GLYATL2: variants seen among roughly 807,000 people sequenced by gnomAD.
GLYATL2 encodes the protein glycine N-acyltransferase-like protein 2.
A neutral mutation model predicts 21.4 loss-of-function variants in GLYATL2; 25 were observed. The observed-to-expected ratio is 1.17, with a 90% CI of 0.85 to 1.63. GLYATL2 has a LOEUF of 1.63. GLYATL2 is among the 40% of genes most tolerant of loss of function. The probability of loss-of-function intolerance (pLI) is 0.00; values close to 1 mark genes in which losing one functional copy is unlikely to be tolerated. For synonymous variants in GLYATL2, 114 were observed against 118.2 expected (o/e 0.96, Z 0.23); for missense variants, 361 against 343.3 (o/e 1.05, Z -0.41).
chr11:58,861,363 G>A (rs1459501012), intron 1 of GLYATL2, among the ~76,000 whole-genome samples: 7 of 151,896 alleles, frequency 4.6e-5, no homozygotes, highest in Admixed American at 4.6e-4. Flanking sequence ...ATTCCAATTT[G>A]TTGGCATATA....
chr11:58,908,767 G>A (rs1332373648), upstream of GLYATL2, among the ~76,000 whole-genome samples: 8 of 152,182 alleles, frequency 5.3e-5, no homozygotes, highest in East Asian at 5.8e-4. Flanking sequence ...AACAAGATGA[G>A]TAACAAACAA....
chr11:58,859,799 G>T (rs562443), intron 1 of GLYATL2, among the ~76,000 whole-genome samples: 135,017 of 152,154 alleles, frequency 0.89, 61,061 homozygotes, highest in Non-Finnish European at 0.98. Context: ...TTTATACATG[G>T]TGTGAGATAA....
At chr11:58,840,945 T>C (rs1853539574) in intron 1 of GLYATL2, 2 of 151,664 alleles carry the variant, frequency 1.3e-5, no homozygotes. Flanking sequence ...TATGTACATT[T>C]GCATATACCC....
At chr11:58,842,515 TGTGTGC>T (rs779101490) in intron 1 of GLYATL2, among the ~76,000 whole-genome samples, 4 of 143,692 alleles carry the variant, frequency 2.8e-5, no homozygotes, top group African/African-American at 5.3e-5. Flanking sequence ...TGTGTGTGTG[TGTGTGC>T]GCCCTGTGAT....
chr11:58,894,477 A>C (rs74237933), intron 1 of GLYATL2, among the ~76,000 whole-genome samples: 432 of 3,516 alleles, frequency 0.12, 12 homozygotes, highest in Non-Finnish European at 0.2. Context: ...CAGCTATAGC[A>C]AAAAAAAAAA....
chr11:58,845,150 G>A (rs1372099157), upstream of GLYATL2, among the ~76,000 whole-genome samples: 1 of 152,118 alleles, frequency 6.6e-6, no homozygotes, highest in Non-Finnish European at 1.5e-5. Context: ...GATCAATTAG[G>A]CTTGTTTGTT....
chr11:58,886,719 T>C (rs56188028), intron 1 of GLYATL2, among the ~76,000 whole-genome samples: 17,586 of 152,162 alleles, frequency 0.12, 1,109 homozygotes, highest in South Asian at 0.16. Flanking sequence ...TCCTAAAGAC[T>C]CCCCCTTTTT....
At chr11:58,879,073 G>T (rs1854287681) in intron 1 of GLYATL2, among the ~76,000 whole-genome samples, 1 of 151,972 alleles carries the variant, frequency 6.6e-6, no homozygotes, top group Non-Finnish European at 1.5e-5. Context: ...TTATAAAAGG[G>T]GAAACTTGAT....
chr11:58,901,297 T>C (rs1442214080), intron 1 of GLYATL2, among the ~76,000 whole-genome samples: 1 of 152,202 alleles, frequency 6.6e-6, no homozygotes, highest in Non-Finnish European at 1.5e-5. Flanking sequence ...AGCTCAGCGA[T>C]ATGTGTTTTG....
upstream of GLYATL2, among the ~76,000 whole-genome samples, chr11:58,847,744 A>G (rs1379266307): frequency 6.6e-6 from 1 of 152,188 alleles, no homozygotes; most frequent in Non-Finnish European, 1.5e-5. Context: ...TCTGTATCTC[A>G]GGGCCTGAGG....
At chr11:58,902,602 T>TA (rs1225701916) in intron 1 of GLYATL2, among the ~76,000 whole-genome samples, 1 of 152,194 alleles carries the variant, frequency 6.6e-6, no homozygotes, top group African/African-American at 2.4e-5. Context: ...CCTTACTCCC[T>TA]AACTTCACCA....
intron 1 of GLYATL2, among the ~76,000 whole-genome samples, chr11:58,842,487 TG>T (rs1853571383): frequency 2.0e-5 from 3 of 150,058 alleles, no homozygotes; most frequent in Admixed American, 2.0e-4. Context: ...TGTGTGTGTG[TG>T]TGTGTGTGTG....
chr11:58,837,379 C>A lies in GLYATL2; in HGVS notation c.205G>T (p.Asp69Tyr), dbSNP rs750660285. The change falls in exon 4 of 6, where the codon GAT becomes TAT. Residue 69 changes from aspartate to tyrosine, a missense_variant. By Grantham distance (160) the Asp-to-Tyr change is radical. Transcript: ENST00000287275. Reference sequence around the variant, plus strand: ...ATGTGGTAAGTGTTGGTATAATGATCCTGGTCATCTTTCATCTCCTGATAT... The same window carrying A: ...ATGTGGTAAGTGTTGGTATAATGATACTGGTCATCTTTCATCTCCTGATAT... ...PQKQEMKDDQDHYTNTYHIFT... is the reference protein window; with the variant it reads ...PQKQEMKDDQYHYTNTYHIFT... The A allele has an allele frequency of 3.1e-6, 5 of 1,613,088 alleles. No homozygotes were observed. The highest frequency in any genetic ancestry group is 4.2e-6 in the Non-Finnish European group (5 of 1,179,192).
intron 1 of GLYATL2, chr11:58,885,046 C>A: frequency 6.5e-6 from 1 of 154,380 alleles, no homozygotes; most frequent in South Asian, 1.9e-4. Context: ...GTGGGAGAGT[C>A]AGATGGCTTT....
intron 1 of GLYATL2, among the ~76,000 whole-genome samples, chr11:58,866,557 C>G: frequency 6.7e-6 from 1 of 148,942 alleles, no homozygotes; most frequent in South Asian, 2.1e-4. Context: ...TTCTGAGATA[C>G]AGCAAGTATT....
chr11:58,880,892 C>G (rs2134611509), intron 1 of GLYATL2, among the ~76,000 whole-genome samples: 1 of 152,270 alleles, frequency 6.6e-6, no homozygotes, highest in South Asian at 2.1e-4. Flanking sequence ...TTTCACCTTG[C>G]CTATTACTTA....
At chr11:58,856,626 G>T (rs1853832393) in intron 1 of GLYATL2, among the ~76,000 whole-genome samples, 1 of 152,040 alleles carries the variant, frequency 6.6e-6, no homozygotes, top group Non-Finnish European at 1.5e-5. Context: ...AAATGTTGTT[G>T]TGTCTCAGGG....
rs775789275 is a variant in GLYATL2, at chr11:58,834,797, C to A, written c.517G>T (p.Ala173Ser). Residue 173 changes from alanine (A) to serine (S), a missense_variant, in exon 6 of 6, where the codon GCA (alanine) becomes TCA (serine). Physicochemically the swap from Ala to Ser is moderately conservative, Grantham distance 99. Coordinates refer to ENST00000287275, the MANE Select transcript of GLYATL2 (RefSeq NM_145016.4). ...GCCCAGTGTTCATTCACAAGACCTG[C>A]ATGTGAAGCATCTAAGAACATGTTT... is the stretch of plus-strand genomic sequence containing the variant. ...FSNMFLDASH[A>S]GLVNEHWAFG... 7 of 1,609,734 alleles carry A rather than the reference C, an allele frequency of 4.3e-6. No individual in the cohort carries two copies. The highest frequency in any genetic ancestry group is 1.7e-5 in the Admixed American group (1 of 58,996).
At chr11:58,885,726 C>T (rs1051683153) in intron 1 of GLYATL2, among the ~76,000 whole-genome samples, 1 of 152,124 alleles carries the variant, frequency 6.6e-6, no homozygotes, top group African/African-American at 2.4e-5. Context: ...AAGCACAGGA[C>T]TCTTCTGGGA....
Sources: gnomAD v4.1 joint callset for allele counts (sites outside exome capture counted in the v4.1 genomes callset) on GRCh38, gnomAD v4.1.1 for gene constraint, MANE v1.5 for transcripts, NCBI Gene and HGNC (gene_info 2026-07-23, HGNC 2026-07-21) for gene names.